DDX60L: variants seen among roughly 807,000 people sequenced by gnomAD.
DDX60L encodes the protein DExD/H-box 60 like.
DDX60L carries 191 observed loss-of-function variants against 211.6 expected under a neutral mutation model. The observed-to-expected ratio is 0.90, with a 90% CI of 0.80 to 1.02. The LOEUF (loss-of-function observed/expected upper bound fraction) is 1.02, where lower values mean the gene tolerates loss of function less well. Ranked by LOEUF, DDX60L falls within the 50% of genes least tolerant of loss-of-function variation. The probability of loss-of-function intolerance (pLI) is 0.00; values close to 1 mark genes in which losing one functional copy is unlikely to be tolerated. For missense variants in DDX60L, 2,007 were observed against 1,984.1 expected, an observed-to-expected ratio of 1.01 and a Z score of -0.22; for synonymous variants, 706 against 694.1, an observed-to-expected ratio of 1.02 and a Z score of -0.27.
At position 168,472,517 on chromosome 4, in the gene DDX60L, C is replaced by T; in HGVS notation, c.12G>A (p.Lys4=). 6.3e-7 allele frequency: 1 copy of T among 1,579,874 alleles called. No individual in the cohort carries two copies. Among genetic ancestry groups the T allele is most frequent in the East Asian group, 2.3e-5 (1 of 43,402 alleles). Residue 4 remains lysine, a synonymous_variant, in exon 3 of 38, where the codon AAG becomes AAA. Coordinates refer to ENST00000682922, the MANE Select transcript of DDX60L (RefSeq NM_001012967.3). MGS[K]DHAVFFREMT... ...TTTCCCTGAAAAATACTGCATGATC[C>T]TTTGACCCTAAAAATAAGGAGATTT... is the stretch of plus-strand genomic sequence containing the variant.
chr4:168,373,119 T>G lies in DDX60L; in HGVS notation c.4776+547A>C, dbSNP rs901406438. Among the ~76,000 whole-genome samples, 4 of 152,328 alleles carry G rather than the reference T, an allele frequency of 2.6e-5. No individual in the cohort carries two copies. The East Asian group carries it at 7.7e-4, about 29-fold the overall frequency. On this transcript the variant is annotated intron_variant, in intron 35 of 37. Coordinates refer to ENST00000682922, the MANE Select transcript of DDX60L (RefSeq NM_001012967.3). ...TACTTGAAGACCATATTTGACATGA[T>G]GTGTGACTCTCTGACCCAGGGATAA...
At chr4:168,439,214 C>T (rs1013926066) in intron 10 of DDX60L, among the ~76,000 whole-genome samples, 1 of 152,062 alleles carries the variant, frequency 6.6e-6, no homozygotes, top group Non-Finnish European at 1.5e-5. Flanking sequence ...GACTATAGTT[C>T]CCTAGTTATC....
At chr4:168,457,001 A>C (rs907798233) in intron 6 of DDX60L, among the ~76,000 whole-genome samples, 2 of 135,830 alleles carry the variant, frequency 1.5e-5, no homozygotes, top group Admixed American at 8.5e-5. Flanking sequence ...ACTTGAGCCC[A>C]GGAGTTCAAG....
chr4:168,409,929 T>C (rs945902518), intron 22 of DDX60L, among the ~76,000 whole-genome samples: 1 of 152,142 alleles, frequency 6.6e-6, no homozygotes, highest in Non-Finnish European at 1.5e-5. Flanking sequence ...ATTATAAAGA[T>C]GTTGTGAAGG....
At chr4:168,427,778 A>G (rs1362425295) in intron 13 of DDX60L, among the ~76,000 whole-genome samples, 3 of 152,246 alleles carry the variant, frequency 2.0e-5, no homozygotes, top group African/African-American at 7.2e-5. Flanking sequence ...ACATTAGTCA[A>G]TGTGGGGAAA....
At chr4:168,366,045 G>C (rs191436660) in intron 36 of DDX60L, among the ~76,000 whole-genome samples, 35 of 152,184 alleles carry the variant, frequency 2.3e-4, no homozygotes, top group African/African-American at 8.2e-4. Context: ...AGCCATATAT[G>C]ACAAATCCAT....
chr4:168,432,489 A>C lies in DDX60L; in HGVS notation c.1482T>G (p.Ser494Arg), dbSNP rs200817254. The C allele has an allele frequency of 6.3e-7, 1 of 1,582,634 alleles. No individual in the cohort carries two copies. Among genetic ancestry groups the C allele is most frequent in the East Asian group, 2.3e-5 (1 of 43,458 alleles). ...LLHWHAQRLL[S>R]DDYDRIKCHV... ...GACATTTGATCCTGTCATAGTCGTC[A>C]CTAAGGAGTCTTTGAGCATGCCAGT... Residue 494 changes from serine (S) to arginine (R), a missense_variant, in exon 12 of 38, where the codon AGT becomes AGG. Ser to Arg is a moderately radical substitution (Grantham distance 110). Coordinates refer to ENST00000682922, the MANE Select transcript of DDX60L (RefSeq NM_001012967.3).
At position 168,461,907 on chromosome 4, in the gene DDX60L, A is replaced by AAGG. The variant is rs1757369450; in HGVS notation, c.397_398insCCT (p.Lys132_Leu133insSer). The AAGG allele has an allele frequency of 1.9e-6, 3 of 1,612,258 alleles. No homozygotes were observed. The highest frequency in any genetic ancestry group is 2.5e-6 in the Non-Finnish European group (3 of 1,179,026). On this transcript the variant is annotated inframe_insertion, in exon 5 of 38. Transcript: ENST00000682922. ...ATACGGGTAATGCTGTTCCAAGAAT[A>AAGG]ACTTCCAATCTTGTGATAAGCATCC...
chr4:168,445,760 C>G (rs1754684942), intron 9 of DDX60L, among the ~76,000 whole-genome samples: 1 of 146,518 alleles, frequency 6.8e-6, no homozygotes, highest in Admixed American at 6.9e-5. Flanking sequence ...AGCATATAAA[C>G]AGAGCCAAAG....
intron 26 of DDX60L, among the ~76,000 whole-genome samples, chr4:168,399,487 T>C (rs1579383315): frequency 6.6e-6 from 1 of 152,284 alleles, no homozygotes. Flanking sequence ...TGCCTGGCTG[T>C]GTGCAGCAAA....
chr4:168,461,458 T>C (rs1160405853), intron 5 of DDX60L, among the ~76,000 whole-genome samples: 1 of 152,162 alleles, frequency 6.6e-6, no homozygotes, highest in East Asian at 1.9e-4. Context: ...AATAGATAGA[T>C]ATAATAATGC....
intron 29 of DDX60L, among the ~76,000 whole-genome samples, chr4:168,389,259 G>C (rs1262547848): frequency 2.6e-5 from 4 of 152,116 alleles, no homozygotes; most frequent in African/African-American, 9.7e-5. Flanking sequence ...ACATGTATTT[G>C]ACTCATAATA....
At chr4:168,416,205 G>T (rs1250325741) in intron 20 of DDX60L, among the ~76,000 whole-genome samples, 1 of 152,116 alleles carries the variant, frequency 6.6e-6, no homozygotes, top group Non-Finnish European at 1.5e-5. Context: ...ATTGTCATCT[G>T]CAAGGTCAAT....
intron 10 of DDX60L, among the ~76,000 whole-genome samples, chr4:168,437,019 C>G (rs982750658): frequency 6.6e-6 from 1 of 152,100 alleles, no homozygotes; most frequent in African/African-American, 2.4e-5. Context: ...TTAAGGGTTC[C>G]GTAGTACATC....
At chr4:168,461,068 G>A (rs1033244913) in intron 5 of DDX60L, among the ~76,000 whole-genome samples, 5 of 152,126 alleles carry the variant, frequency 3.3e-5, no homozygotes, top group African/African-American at 4.8e-5. Flanking sequence ...CTCACTGTTC[G>A]AGAGTTTTTA....
chr4:168,439,943 C>T (rs1456681721), intron 10 of DDX60L, among the ~76,000 whole-genome samples: 1 of 152,170 alleles, frequency 6.6e-6, no homozygotes, highest in Non-Finnish European at 1.5e-5. Context: ...ACAGGCAAAA[C>T]TCAGCAGGCA....
intron 37 of DDX60L, among the ~76,000 whole-genome samples, chr4:168,359,799 A>C (rs1738794426): frequency 6.6e-6 from 1 of 152,008 alleles, no homozygotes; most frequent in Non-Finnish European, 1.5e-5. Context: ...CTCCACACTC[A>C]CTTCTCAGCA....
chr4:168,457,375 A>C (rs1341741263), intron 6 of DDX60L, among the ~76,000 whole-genome samples: 4 of 151,782 alleles, frequency 2.6e-5, no homozygotes, highest in African/African-American at 9.7e-5. Flanking sequence ...GGAATTATGG[A>C]TATTCTTACT....
At chr4:168,380,123 GA>G (rs1742679301) in intron 30 of DDX60L, 3 of 258,286 alleles carry the variant, frequency 1.2e-5, no homozygotes, top group African/African-American at 6.7e-5. Context: ...AATGAAGTAT[GA>G]AAGCCAATCC....
Sources: gnomAD v4.1 joint callset for allele counts (sites outside exome capture counted in the v4.1 genomes callset) on GRCh38, gnomAD v4.1.1 for gene constraint, MANE v1.5 for transcripts, NCBI Gene and HGNC (gene_info 2026-07-23, HGNC 2026-07-21) for gene names.